Variants in NDRG2 observed in about 807,000 individuals in gnomAD.
NDRG2 encodes the protein protein NDRG2.
NDRG2 carries 34 observed loss-of-function variants against 58.2 expected under a neutral mutation model. That is an observed-to-expected ratio of 0.58 (90% confidence interval 0.44 to 0.78). NDRG2 has a LOEUF of 0.78. NDRG2 is among the 30% of genes least tolerant of loss of function. The pLI is 0.00. For synonymous variants in NDRG2, 187 were observed against 175.9 expected, an observed-to-expected ratio of 1.06 and a Z score of -0.50; for missense variants, 434 against 471.2, an observed-to-expected ratio of 0.92 and a Z score of 0.73.
chr14:21,025,078 C>G (rs1297593614), upstream of NDRG2: 1 of 986,100 alleles, frequency 1.0e-6, no homozygotes, highest in African/African-American at 1.7e-5. The surrounding 1 kb of genome is among the most constrained non-coding windows in gnomAD (Gnocchi z 5.1). Context: ...GACTCGGGCC[C>G]GCCCCGGCTC....
Position 21,023,340 on chromosome 14 carries a change from G to T in NDRG2, c.-6-19C>A, listed in dbSNP as rs368417379. The T allele has an allele frequency of 1.2e-6, 2 of 1,606,458 alleles. No homozygotes were observed. The highest frequency in any genetic ancestry group is 1.3e-5 in the African/African-American group (1 of 74,966). On this transcript the variant is annotated intron_variant, in intron 1 of 15. Coordinates refer to ENST00000556147, the MANE Select transcript of NDRG2 (RefSeq NM_001320329.2). ...TGGTGGCCTGGCAGGATGAGGAAAT[G>T]AGACTGGGAAGTTGTCTCTACATCC... is the stretch of plus-strand genomic sequence containing the variant.
chr14:21,025,164 A>G (rs1465644627), upstream of NDRG2: 1 of 933,838 alleles, frequency 1.1e-6, no homozygotes, highest in Non-Finnish European at 1.3e-6. This position sits in a 1 kb window ranked among gnomAD's most constrained non-coding sequence, Gnocchi z 5.1. Flanking sequence ...CCCGCCCCAG[A>G]CCCCCAGTAA....
rs184115680 is a variant in NDRG2, at chr14:21,057,100, C to T, written c.24+13728G>A. ...TTCAGGGACACCTAAGCTAGTCCAG[C>T]AGAGTGGGGTATTGACCTTTCACAT... On this transcript the variant is annotated intron_variant, in intron 1 of 14. Coordinates refer to the NDRG2 transcript ENST00000403829. Among the ~76,000 whole-genome samples, 9 of 152,310 alleles carry T rather than the reference C, an allele frequency of 5.9e-5. No homozygotes were observed. In the East Asian group the frequency reaches 1.7e-3, roughly 29 times the overall value.
In NDRG2 at chr14:21,019,632, C is replaced by A; in HGVS notation, c.716+7G>T. On this transcript the variant is annotated splice_region_variant and intron_variant, in intron 10 of 15. Coordinates refer to ENST00000556147, the MANE Select transcript of NDRG2 (RefSeq NM_001320329.2). ...CTCTCACATGCATACACACACAGCC[C>A]ACCCACTTGTTGTAGCTGTTCCAGT... 2 of 1,592,124 alleles carry A rather than the reference C, an allele frequency of 1.3e-6. No homozygotes were observed. Among genetic ancestry groups the A allele is most frequent in the East Asian group, 2.2e-5 (1 of 44,778 alleles).
intron 1 of NDRG2, among the ~76,000 whole-genome samples, chr14:21,053,254 G>A (rs994948795): frequency 4.6e-5 from 7 of 152,048 alleles, no homozygotes; most frequent in Non-Finnish European, 1.0e-4. Flanking sequence ...AGGCTGAGGC[G>A]AGTGGATCAC....
intron 1 of NDRG2, among the ~76,000 whole-genome samples, chr14:21,064,465 C>T (rs1886147077): frequency 6.6e-6 from 1 of 152,128 alleles, no homozygotes; most frequent in African/African-American, 2.4e-5. Context: ...CCACACCCAG[C>T]TAATTTTTGT....
intron 1 of NDRG2, chr14:21,034,272 G>T (rs113995906): frequency 1.2e-6 from 2 of 1,611,734 alleles, no homozygotes; most frequent in African/African-American, 2.7e-5. Flanking sequence ...AAGGAGCCGG[G>T]TCACAGCTGG....
intron 1 of NDRG2, among the ~76,000 whole-genome samples, chr14:21,044,905 G>C (rs980213975): frequency 2.0e-5 from 3 of 152,158 alleles, no homozygotes; most frequent in Non-Finnish European, 4.4e-5. Flanking sequence ...TTTGGAGCCA[G>C]ACAGAATCAG....
In NDRG2 at chr14:21,017,609, T is replaced by G; in HGVS notation, c.1103A>C (p.Glu368Ala). The change falls in exon 16 of 16, where the codon GAG (glutamate) becomes GCG (alanine). Residue 368 changes from glutamate (E) to alanine (A), a missense_variant. Glu to Ala is a moderately radical substitution (Grantham distance 107). Coordinates refer to ENST00000556147, the MANE Select transcript of NDRG2 (RefSeq NM_001320329.2). ...AACAAGGGCCATTCAACAGGAGACC[T>G]CCATGGTGTGCCCCGGGGGCCCCGA... is the stretch of plus-strand genomic sequence containing the variant. ...LSSGPPGHTM[E>A]VSC The G allele has an allele frequency of 1.2e-6, 2 of 1,613,660 alleles. No individual in the cohort carries two copies. The highest frequency in any genetic ancestry group is 1.7e-6 in the Non-Finnish European group (2 of 1,179,830).
intron 1 of NDRG2, chr14:21,043,026 C>T (rs1884978763): frequency 6.2e-7 from 1 of 1,613,974 alleles, no homozygotes; most frequent in African/African-American, 1.3e-5. Flanking sequence ...CTGCCCCCTT[C>T]TGCTGCTTCT....
chr14:21,059,719 C>G lies in NDRG2; in HGVS notation c.24+11109G>C, dbSNP rs2319614. Among the ~76,000 whole-genome samples the G allele has an allele frequency of 4.4e-5, 6 of 136,676 alleles. No individual in the cohort carries two copies. In the South Asian group the frequency reaches 8.4e-4, roughly 19 times the overall value. The allele number at this position is 136,676 out of a possible 152,430, so 89.7% of individuals were successfully genotyped here. ...TTCACCATGTTACCCGGGCTGGTCT[C>G]AAACTCCTGGGCTCAAGCGATCCCT... On this transcript the variant is annotated intron_variant, in intron 1 of 14. Coordinates refer to the NDRG2 transcript ENST00000403829.
chr14:21,027,981 C>A (rs1276893268), upstream of NDRG2, among the ~76,000 whole-genome samples: 2 of 152,162 alleles, frequency 1.3e-5, no homozygotes, highest in African/African-American at 4.8e-5. Context: ...CATGTATTAT[C>A]CCCTAATACC....
chr14:21,066,616 G>A (rs1886283586), intron 1 of NDRG2, among the ~76,000 whole-genome samples: 1 of 152,198 alleles, frequency 6.6e-6, no homozygotes, highest in Admixed American at 6.5e-5. Context: ...TTACAGGCAT[G>A]AGCCACCGTG....
At chr14:21,019,030 G>T in intron 11 of NDRG2, 86 bp downstream of exon 11, 1 of 1,441,932 alleles carries the variant, frequency 6.9e-7, no homozygotes, top group Non-Finnish European at 9.5e-7. Context: ...AAGTTCCCTG[G>T]CAAAAGATTC....
In NDRG2 at chr14:21,022,874, TC is replaced by T. The variant is rs1881397268; in HGVS notation, c.106del (p.Asp36ThrfsTer92). 1 of 1,613,848 alleles carries T rather than the reference TC, an allele frequency of 6.2e-7. No individual in the cohort carries two copies. Among genetic ancestry groups the T allele is most frequent in the East Asian group, 2.2e-5 (1 of 44,856 alleles). On this transcript the variant is annotated frameshift_variant, in exon 3 of 16. Transcript: ENST00000556147. LOFTEE classifies it high-confidence loss of function. ...EAELAARILL[D>X]QGQTHSVETP... ...CCCCCACACTGTTACCTGTCCCTGGTCCAGGAGGATTCGGGCAGCTAACTCA... is the reference window on the plus strand; with the variant it reads ...CCCCCACACTGTTACCTGTCCCTGGTCAGGAGGATTCGGGCAGCTAACTCA...
At chr14:21,059,485 G>GTT (rs60728641) in intron 1 of NDRG2, among the ~76,000 whole-genome samples, 1 of 150,572 alleles carries the variant, frequency 6.6e-6, no homozygotes, top group Admixed American at 6.6e-5. Flanking sequence ...GTTTTTTTGG[G>GTT]TTTTTTTTTT....
chr14:21,020,939 C>A, intron 6 of NDRG2, 95 bp from the exon 7 acceptor site: 1 of 1,349,844 alleles, frequency 7.4e-7, no homozygotes, highest in South Asian at 1.2e-5. Flanking sequence ...CCTCCTGAGT[C>A]CACGGGCACA....
intron 1 of NDRG2, among the ~76,000 whole-genome samples, chr14:21,049,162 A>C (rs1013382665): frequency 1.3e-5 from 2 of 152,220 alleles, no homozygotes; most frequent in Admixed American, 1.3e-4. Context: ...CAATTGATGG[A>C]GACAGGGCTC....
At chr14:21,058,646 C>T (rs942375279) in intron 1 of NDRG2, among the ~76,000 whole-genome samples, 26 of 152,122 alleles carry the variant, frequency 1.7e-4, no homozygotes, top group Non-Finnish European at 2.4e-4. Context: ...GCCTGTGGCT[C>T]ACCAAAGACC....
Sources: allele counts gnomAD v4.1 joint callset (sites outside exome capture counted in the v4.1 genomes callset), GRCh38; gene constraint gnomAD v4.1.1; non-coding constraint Gnocchi (gnomAD v3.1); transcripts MANE v1.5; gene names NCBI Gene and HGNC (gene_info 2026-07-23, HGNC 2026-07-21).